The following CDH13 variants were observed in gnomAD, a reference collection of about 807,000 sequenced individuals.
CDH13 encodes the protein cadherin-13.
Under a neutral mutation model 63.8 loss-of-function variants are expected in CDH13, and 24 were observed. The observed-to-expected ratio is 0.38, with a 90% confidence interval of 0.27 to 0.53. CDH13 has a LOEUF of 0.53. Among genes scored for constraint, CDH13 ranks in the 20% least tolerant of loss-of-function variants. CDH13 has a pLI of 0.85. For synonymous variants in CDH13, 503 were observed against 355.3 expected, an observed-to-expected ratio of 1.42 and a Z score of -4.67; for missense variants, 1,049 against 903.1, an observed-to-expected ratio of 1.16 and a Z score of -2.07.
chr16:82,713,100 G>C (rs1033481684), intron 1 of CDH13, among the ~76,000 whole-genome samples: 1 of 151,456 alleles, frequency 6.6e-6, no homozygotes, highest in African/African-American at 2.4e-5. Flanking sequence ...AGGACGTTTG[G>C]CAAAAAAACA....
chr16:83,780,255 T>C, intron 12 of CDH13, 54 bp downstream of exon 12: 1 of 1,235,830 alleles, frequency 8.1e-7, no homozygotes, highest in Non-Finnish European at 1.1e-6. Context: ...GTTTATTTTC[T>C]CTTTCCCAAA....
intron 5 of CDH13, among the ~76,000 whole-genome samples, chr16:83,328,468 A>G (rs2090416727): frequency 6.6e-6 from 1 of 152,230 alleles, no homozygotes; most frequent in Non-Finnish European, 1.5e-5. Flanking sequence ...GACAATTGAC[A>G]TAGGATGATT....
intron 2 of CDH13, among the ~76,000 whole-genome samples, chr16:82,861,582 C>G (rs1367305873): frequency 6.6e-6 from 1 of 152,202 alleles, no homozygotes; most frequent in Non-Finnish European, 1.5e-5. Context: ...TCTTCCTCCT[C>G]AATTTTCAAT....
chr16:82,780,446 ATGC>A (rs2035700000), intron 1 of CDH13, among the ~76,000 whole-genome samples: 1 of 152,246 alleles, frequency 6.6e-6, no homozygotes, highest in Non-Finnish European at 1.5e-5. Flanking sequence ...ACAGCAGCCC[ATGC>A]AATGTGCCTT....
chr16:83,430,886 A>G (rs2072079255), intron 6 of CDH13, among the ~76,000 whole-genome samples: 1 of 151,794 alleles, frequency 6.6e-6, no homozygotes, highest in African/African-American at 2.4e-5. Context: ...TTACATATGT[A>G]TGCATGTGCC....
At chr16:83,394,577 C>T (rs534853603) in intron 6 of CDH13, among the ~76,000 whole-genome samples, 10 of 152,216 alleles carry the variant, frequency 6.6e-5, no homozygotes, top group Non-Finnish European at 7.4e-5. Context: ...AAGAACCCAG[C>T]GTTTACTCAC....
intron 3 of CDH13, among the ~76,000 whole-genome samples, chr16:83,039,203 C>G (rs1327245691): frequency 2.0e-5 from 3 of 152,214 alleles, no homozygotes; most frequent in Non-Finnish European, 4.4e-5. Context: ...TCAAATGCAC[C>G]TGATCACTTC....
chr16:83,236,917 C>G (rs1382594145), intron 5 of CDH13, among the ~76,000 whole-genome samples: 9 of 151,926 alleles, frequency 5.9e-5, no homozygotes, highest in Non-Finnish European at 1.3e-4. Context: ...CATGAGTACA[C>G]TAAACATGAC....
chr16:83,534,548 G>C lies in CDH13; in HGVS notation c.960+47893G>C, dbSNP rs371489909. On this transcript the variant is annotated intron_variant, in intron 7 of 13. Coordinates refer to ENST00000567109, the MANE Select transcript of CDH13 (RefSeq NM_001257.5). ...AAATGAATGTACATGGCTTGACTCA[G>C]GTGATGCCTGTCTTTTGTGGCCTTT... Among the ~76,000 whole-genome samples the C allele has an allele frequency of 3.2e-4, 49 of 152,346 alleles. No individual in the cohort carries two copies. The East Asian group carries it at 8.5e-3, about 26-fold the overall frequency.
chr16:83,600,357 T>C (rs1907669415), intron 7 of CDH13, among the ~76,000 whole-genome samples: 1 of 152,102 alleles, frequency 6.6e-6, no homozygotes, highest in Admixed American at 6.5e-5. Flanking sequence ...TGAATTGAAG[T>C]GGAGGGCCTT....
At chr16:83,326,315 C>T (rs997194854) in intron 5 of CDH13, among the ~76,000 whole-genome samples, 1 of 152,134 alleles carries the variant, frequency 6.6e-6, no homozygotes, top group African/African-American at 2.4e-5. Flanking sequence ...ACTATCTTCT[C>T]TCTTACCTGG....
chr16:83,008,683 A>C (rs1913801355), intron 2 of CDH13, among the ~76,000 whole-genome samples: 1 of 151,956 alleles, frequency 6.6e-6, no homozygotes, highest in Non-Finnish European at 1.5e-5. Flanking sequence ...ATCAGTGAGG[A>C]GCTTACCACC....
intron 4 of CDH13, among the ~76,000 whole-genome samples, chr16:83,162,990 T>G (rs4513087): frequency 0.14 from 21,748 of 152,106 alleles, 1,729 homozygotes; most frequent in Middle Eastern, 0.22. Flanking sequence ...AATTCCCATG[T>G]GTCGTAGGAG....
At chr16:82,657,531 T>A (rs796330671) in intron 1 of CDH13, among the ~76,000 whole-genome samples, 4 of 152,344 alleles carry the variant, frequency 2.6e-5, no homozygotes, top group African/African-American at 9.6e-5. Context: ...TGAATTATTT[T>A]TGGAATTTTT....
intron 11 of CDH13, among the ~76,000 whole-genome samples, chr16:83,752,725 T>C (rs1314304342): frequency 6.6e-6 from 1 of 152,158 alleles, no homozygotes; most frequent in Non-Finnish European, 1.5e-5. Flanking sequence ...AGACTGTGAG[T>C]CTCATTTTCT....
intron 5 of CDH13, among the ~76,000 whole-genome samples, chr16:83,315,730 A>G (rs1358682355): frequency 1.3e-5 from 2 of 151,694 alleles, no homozygotes; most frequent in Non-Finnish European, 1.5e-5. Flanking sequence ...GGGATCTTGC[A>G]TGATTTAAAC....
chr16:82,967,472 A>C (rs1456897980), intron 2 of CDH13, among the ~76,000 whole-genome samples: 1 of 152,210 alleles, frequency 6.6e-6, no homozygotes, highest in Non-Finnish European at 1.5e-5. Flanking sequence ...TACAATTCTC[A>C]GTAAGCAGTC....
At chr16:82,677,446 C>CTTTTTTT (rs3041877) in intron 1 of CDH13, among the ~76,000 whole-genome samples, 24 of 130,704 alleles carry the variant, frequency 1.8e-4, no homozygotes, top group South Asian at 7.7e-4. Flanking sequence ...ACTCTTCTGC[C>CTTTTTTT]TTTTTTTTTT....
At chr16:83,779,635 T>C (rs1432355037) in intron 11 of CDH13, among the ~76,000 whole-genome samples, 1 of 151,860 alleles carries the variant, frequency 6.6e-6, no homozygotes, top group Admixed American at 6.6e-5. Flanking sequence ...TCAGCCTGGG[T>C]AACATAGTGA....
Sources: allele counts gnomAD v4.1 joint callset (sites outside exome capture counted in the v4.1 genomes callset), GRCh38; gene constraint gnomAD v4.1.1; transcripts MANE v1.5; gene names NCBI Gene and HGNC (gene_info 2026-07-23, HGNC 2026-07-21).